Variants in SORCS1 observed in about 807,000 individuals in gnomAD.
SORCS1 encodes the protein sortilin related VPS10 domain containing receptor 1.
Under a neutral mutation model 146.1 loss-of-function variants are expected in SORCS1, and 60 were observed. The observed-to-expected ratio is 0.41, with a 90% CI of 0.33 to 0.51. The LOEUF (loss-of-function observed/expected upper bound fraction) is 0.51, where lower values mean the gene tolerates loss of function less well. Among genes scored for constraint, SORCS1 ranks in the 20% least tolerant of loss-of-function variants. SORCS1 has a pLI of 0.21. For synonymous variants in SORCS1, 637 were observed against 584.0 expected (o/e 1.09, Z -1.31); for missense variants, 1,352 against 1,487.6 (o/e 0.91, Z 1.50).
intron 2 of SORCS1, among the ~76,000 whole-genome samples, chr10:106,951,005 A>G (rs1221256277): frequency 1.3e-5 from 2 of 152,204 alleles, no homozygotes; most frequent in Non-Finnish European, 2.9e-5. Flanking sequence ...TATCCACATG[A>G]GGAAAGTAAA....
chr10:106,856,028 A>ATT (rs34770451), intron 2 of SORCS1, among the ~76,000 whole-genome samples: 2 of 140,938 alleles, frequency 1.4e-5, no homozygotes, highest in Non-Finnish European at 1.6e-5. Context: ...GAGACACAAC[A>ATT]TTTTTTTTTT....
chr10:106,780,486 G>A lies in SORCS1; in HGVS notation c.727-3794C>T, dbSNP rs1470052388. 2.0e-5 allele frequency among the ~76,000 whole-genome samples: 3 copies of A among 152,320 alleles called. No individual in the cohort carries two copies. In the East Asian group the frequency reaches 5.8e-4, roughly 29 times the overall value. ...TCCTAAAGTAAGCTCTCCAAAAAGA[G>A]AGGTCATTGTCTGCCAGGATCAAAG... On this transcript the variant is annotated intron_variant, in intron 3 of 25. Coordinates refer to ENST00000263054, the MANE Select transcript of SORCS1 (RefSeq NM_052918.5).
At chr10:106,694,735 T>C (rs1354476035) in intron 9 of SORCS1, among the ~76,000 whole-genome samples, 1 of 152,172 alleles carries the variant, frequency 6.6e-6, no homozygotes, top group African/African-American at 2.4e-5. Flanking sequence ...ACACTGTGTG[T>C]AACAGAACAT....
At position 106,729,421 on chromosome 10, in the gene SORCS1, C is replaced by G. The variant is rs1262854813; in HGVS notation, c.1024+629G>C. 2.0e-5 allele frequency among the ~76,000 whole-genome samples: 3 copies of G among 150,442 alleles called. No individual in the cohort carries two copies. In the East Asian group the frequency reaches 5.9e-4, roughly 29 times the overall value. ...CCTCCTGCTGCCTCTCATGGGGACA[C>G]ACAGAAAAATTCTCTCTCTCTCTTT... is the stretch of plus-strand genomic sequence containing the variant. On this transcript the variant is annotated intron_variant, in intron 6 of 25. Coordinates refer to ENST00000263054, the MANE Select transcript of SORCS1 (RefSeq NM_052918.5).
intron 2 of SORCS1, among the ~76,000 whole-genome samples, chr10:106,830,145 T>C (rs557578593): frequency 1.3e-5 from 2 of 152,314 alleles, no homozygotes; most frequent in Admixed American, 1.3e-4. Context: ...CTTTTCTTAT[T>C]ATTTAAGAGC....
At chr10:107,098,438 A>G (rs1375800163) in intron 1 of SORCS1, among the ~76,000 whole-genome samples, 1 of 152,210 alleles carries the variant, frequency 6.6e-6, no homozygotes, top group Non-Finnish European at 1.5e-5. Flanking sequence ...GCCTAAATCA[A>G]TAATTGTATG....
chr10:106,644,947 G>C (rs1197231697), intron 18 of SORCS1, among the ~76,000 whole-genome samples: 1 of 152,068 alleles, frequency 6.6e-6, no homozygotes, highest in East Asian at 1.9e-4. Flanking sequence ...CATACATTCT[G>C]GTGCATATGT....
At chr10:106,638,301 G>A (rs1483730000) in intron 18 of SORCS1, among the ~76,000 whole-genome samples, 2 of 152,086 alleles carry the variant, frequency 1.3e-5, no homozygotes, top group African/African-American at 4.8e-5. Context: ...TTTAAAAATG[G>A]TAGGAAGTTT....
intron 18 of SORCS1, among the ~76,000 whole-genome samples, chr10:106,642,820 C>T (rs766262377): frequency 1.9e-4 from 29 of 152,180 alleles, no homozygotes; most frequent in Middle Eastern, 3.2e-3. Flanking sequence ...TCTCTCTTTG[C>T]TGAAATGTTT....
chr10:107,016,593 C>G (rs1025933598), intron 1 of SORCS1, among the ~76,000 whole-genome samples: 4 of 152,106 alleles, frequency 2.6e-5, no homozygotes, highest in African/African-American at 4.8e-5. Flanking sequence ...TCATATAAAA[C>G]AAAATCTTTG....
At chr10:106,973,471 C>A (rs1159106491) in intron 1 of SORCS1, among the ~76,000 whole-genome samples, 1 of 152,196 alleles carries the variant, frequency 6.6e-6, no homozygotes, top group Non-Finnish European at 1.5e-5. Context: ...AGGCTTGGGG[C>A]CATTGTGAAT....
chr10:106,734,220 G>A (rs754960150), intron 5 of SORCS1, among the ~76,000 whole-genome samples: 7 of 152,186 alleles, frequency 4.6e-5, no homozygotes, highest in Admixed American at 6.5e-5. Context: ...TTCTTGAAGT[G>A]AATTTTATGG....
At chr10:107,016,777 A>G (rs994532445) in intron 1 of SORCS1, among the ~76,000 whole-genome samples, 9 of 152,210 alleles carry the variant, frequency 5.9e-5, no homozygotes, top group Non-Finnish European at 1.2e-4. Flanking sequence ...CAATCCATAT[A>G]AGTAATAGAT....
chr10:107,048,990 A>T (rs1432417045), intron 1 of SORCS1, among the ~76,000 whole-genome samples: 1 of 152,104 alleles, frequency 6.6e-6, no homozygotes, highest in East Asian at 1.9e-4. Context: ...GGCACTACTC[A>T]CAATAGCAAA....
At chr10:106,726,107 C>T (rs1856142098) in intron 6 of SORCS1, among the ~76,000 whole-genome samples, 2 of 150,990 alleles carry the variant, frequency 1.3e-5, no homozygotes, top group South Asian at 4.2e-4. Flanking sequence ...CTTCCAACCT[C>T]CTCCTCTCTG....
At chr10:107,017,471 T>C (rs1957946995) in intron 1 of SORCS1, among the ~76,000 whole-genome samples, 1 of 151,804 alleles carries the variant, frequency 6.6e-6, no homozygotes, top group South Asian at 2.1e-4. Context: ...ATCTACGGAG[T>C]TGAAGTCAGG....
At chr10:106,785,307 C>T (rs1410545322) in intron 3 of SORCS1, among the ~76,000 whole-genome samples, 1 of 152,118 alleles carries the variant, frequency 6.6e-6, no homozygotes, top group Non-Finnish European at 1.5e-5. Flanking sequence ...CTTCTGAGGG[C>T]CCATTTGTCT....
rs1340396361 is a variant in SORCS1 at position 106,754,279 on chromosome 10, G to A, written c.959+7309C>T. 2.0e-5 allele frequency among the ~76,000 whole-genome samples: 3 copies of A among 152,138 alleles called. No individual in the cohort carries two copies. In the East Asian group the frequency reaches 5.8e-4, roughly 29 times the overall value. On this transcript the variant is annotated intron_variant, in intron 5 of 25. Coordinates refer to ENST00000263054, the MANE Select transcript of SORCS1 (RefSeq NM_052918.5). ...ATTGGGAAGATAGAAGCTTCTAGAG[G>A]CCACTGCAAAGAGATATTTTGCCCA...
intron 14 of SORCS1, 59 bp downstream of exon 14, chr10:106,674,990 C>T: frequency 7.2e-7 from 1 of 1,388,370 alleles, no homozygotes; most frequent in Non-Finnish European, 1.0e-6. Flanking sequence ...AGCTATAAAA[C>T]ATTTTTGTGG....
Sources: allele counts gnomAD v4.1 joint callset (sites outside exome capture counted in the v4.1 genomes callset), GRCh38; gene constraint gnomAD v4.1.1; transcripts MANE v1.5; gene names NCBI Gene and HGNC (gene_info 2026-07-23, HGNC 2026-07-21).